MAP7: variants seen among roughly 807,000 people sequenced by gnomAD.
The protein encoded by MAP7 is microtubule associated protein 7, also known as ensconsin.
In MAP7, 52 loss-of-function variants were observed where a neutral mutation model predicts 94.8. That is an observed-to-expected ratio of 0.55 (90% CI 0.44 to 0.69). The LOEUF is 0.69. Ranked by LOEUF, MAP7 falls within the 30% of genes least tolerant of loss-of-function variation. The pLI is 0.00. For missense variants in MAP7, 940 were observed against 964.6 expected (o/e 0.97, Z 0.34); for synonymous variants, 350 against 357.0 (o/e 0.98, Z 0.22).
At chr6:136,527,935 G>A (rs1319384530) in intron 1 of MAP7, among the ~76,000 whole-genome samples, 2 of 152,178 alleles carry the variant, frequency 1.3e-5, no homozygotes, top group African/African-American at 4.8e-5. Flanking sequence ...AGAAACGCAG[G>A]AAATTTCAGT....
At chr6:136,533,505 C>A (rs1828641342) in intron 1 of MAP7, among the ~76,000 whole-genome samples, 1 of 152,194 alleles carries the variant, frequency 6.6e-6, no homozygotes, top group African/African-American at 2.4e-5. Context: ...GAAGAACATT[C>A]ATTTCAGAAT....
At chr6:136,429,522 T>C (rs1794270710) in intron 1 of MAP7, among the ~76,000 whole-genome samples, 1 of 152,214 alleles carries the variant, frequency 6.6e-6, no homozygotes, top group South Asian at 2.1e-4. Context: ...AGTTAATAAA[T>C]TTATTTTGAT....
At chr6:136,403,568 A>T (rs558624317) in intron 3 of MAP7, among the ~76,000 whole-genome samples, 27 of 152,244 alleles carry the variant, frequency 1.8e-4, no homozygotes, top group Non-Finnish European at 4.0e-4. Context: ...TACTAGCAAG[A>T]AAGAGCTGGG....
chr6:136,546,578 C>A (rs9402820), intron 1 of MAP7, among the ~76,000 whole-genome samples: 18,021 of 152,126 alleles, frequency 0.12, 1,231 homozygotes, highest in East Asian at 0.15. Context: ...GTTCTTCCTG[C>A]TGACCACAGC....
chr6:136,362,309 A>C, intron 11 of MAP7, 141 bp downstream of exon 11: 1 of 1,114,672 alleles, frequency 9.0e-7, no homozygotes, highest in Non-Finnish European at 1.3e-6. Context: ...TAGTAGTCAT[A>C]GGAAAATTAG....
At chr6:136,502,648 T>C (rs180803271) in intron 1 of MAP7, among the ~76,000 whole-genome samples, 8 of 152,276 alleles carry the variant, frequency 5.3e-5, no homozygotes, top group Admixed American at 4.6e-4. Context: ...GAGCGATATT[T>C]TGTAGGGGCT....
chr6:136,443,788 G>A (rs2128858869), intron 1 of MAP7, among the ~76,000 whole-genome samples: 1 of 152,178 alleles, frequency 6.6e-6, no homozygotes, highest in Non-Finnish European at 1.5e-5. Context: ...TATGCATCCT[G>A]AACATTATGT....
chr6:136,415,303 T>G (rs56733668), intron 2 of MAP7, among the ~76,000 whole-genome samples: 1 of 152,174 alleles, frequency 6.6e-6, no homozygotes, highest in South Asian at 2.1e-4. Flanking sequence ...GTAAAAGCCA[T>G]ATGAGCACAT....
intron 1 of MAP7, among the ~76,000 whole-genome samples, chr6:136,505,277 G>GTGTGTATATATATATATATA (rs1465266004): frequency 2.0e-4 from 11 of 53,828 alleles, no homozygotes; most frequent in African/African-American, 8.8e-4. Context: ...GTGTGTGTGT[G>GTGTGTATATATATATATATA]TATATATATA....
chr6:136,438,985 A>T (rs1057502646), intron 1 of MAP7, among the ~76,000 whole-genome samples: 1 of 152,218 alleles, frequency 6.6e-6, no homozygotes, highest in Non-Finnish European at 1.5e-5. Flanking sequence ...TCAGAAAGTT[A>T]CAATGTGCAA....
At chr6:136,504,322 A>G (rs1216563476) in intron 1 of MAP7, among the ~76,000 whole-genome samples, 2 of 152,044 alleles carry the variant, frequency 1.3e-5, no homozygotes, top group Admixed American at 1.3e-4. Flanking sequence ...AATAATTTGT[A>G]TTCCCATAAA....
At chr6:136,408,636 T>C (rs1023056861) in intron 3 of MAP7, among the ~76,000 whole-genome samples, 2 of 152,212 alleles carry the variant, frequency 1.3e-5, no homozygotes, top group Non-Finnish European at 2.9e-5. Flanking sequence ...TGTGGAATGG[T>C]GTCCGATTTT....
chr6:136,418,634 A>C (rs555004311), intron 2 of MAP7, among the ~76,000 whole-genome samples: 2 of 152,386 alleles, frequency 1.3e-5, no homozygotes, highest in East Asian at 3.8e-4. Context: ...AAAAGAGGAA[A>C]GAACATTTAG....
At position 136,392,683 on chromosome 6, in the gene MAP7, T is replaced by C. The variant is rs1781137989; in HGVS notation, c.245-3166A>G. Among the ~76,000 whole-genome samples the C allele has an allele frequency of 2.0e-5, 3 of 152,128 alleles. No individual in the cohort carries two copies. In the South Asian group the frequency reaches 6.2e-4, roughly 32 times the overall value. Reference sequence around the variant, plus strand: ...ATCAAAGGGAACATACATTTAAAATTTTGATAGATATTGTCATACTGTCCT... The same window carrying C: ...ATCAAAGGGAACATACATTTAAAATCTTGATAGATATTGTCATACTGTCCT... On this transcript the variant is annotated intron_variant, in intron 3 of 17. Transcript: ENST00000354570.
intron 3 of MAP7, among the ~76,000 whole-genome samples, chr6:136,391,012 G>C (rs1401573481): frequency 2.6e-5 from 4 of 152,140 alleles, no homozygotes; most frequent in Non-Finnish European, 4.4e-5. Context: ...TGGTCTTCAA[G>C]GTTCCTACCA....
rs767523223 is a variant in MAP7 at position 136,362,456 on chromosome 6, A to C, written c.1520T>G (p.Leu507Arg). Residue 507 changes from leucine to arginine, a missense_variant, in exon 11 of 18, where the codon CTT (leucine) becomes CGT (arginine). Physicochemically the swap from Leu to Arg is moderately radical, Grantham distance 102. Coordinates refer to ENST00000354570, the MANE Select transcript of MAP7 (RefSeq NM_003980.6). Reference sequence around the variant, plus strand: ...AGCAATGTCTCCCATTTACCTTTCAAGCTCTTCCTGCTCCCTCCTCTCCCT... The same window carrying C: ...AGCAATGTCTCCCATTTACCTTTCACGCTCTTCCTGCTCCCTCCTCTCCCT... Reference protein sequence around the residue: ...EERERREQEELERQKREELAQ... With the variant: ...EERERREQEERERQKREELAQ... 6.2e-7 allele frequency: 1 copy of C among 1,613,736 alleles called. No individual in the cohort carries two copies. The highest frequency in any genetic ancestry group is 8.5e-7 in the Non-Finnish European group (1 of 1,179,920).
At chr6:136,414,917 C>A (rs897834355) in intron 2 of MAP7, among the ~76,000 whole-genome samples, 1 of 151,318 alleles carries the variant, frequency 6.6e-6, no homozygotes, top group Non-Finnish European at 1.5e-5. Flanking sequence ...TGGGTTTAAG[C>A]GATTCTCCTG....
intron 1 of MAP7, among the ~76,000 whole-genome samples, chr6:136,452,143 G>A (rs967136949): frequency 2.6e-5 from 4 of 152,068 alleles, no homozygotes; most frequent in Admixed American, 6.6e-5. Context: ...GCAGTGAGCC[G>A]AGATCAAGTC....
chr6:136,537,781 G>C (rs1160909477), intron 1 of MAP7, among the ~76,000 whole-genome samples: 2 of 150,684 alleles, frequency 1.3e-5, no homozygotes, highest in Admixed American at 6.6e-5. Flanking sequence ...GATTTACGAA[G>C]TTATGAATTT....
Sources: gnomAD v4.1 joint callset for allele counts (sites outside exome capture counted in the v4.1 genomes callset) on GRCh38, gnomAD v4.1.1 for gene constraint, MANE v1.5 for transcripts, NCBI Gene and HGNC (gene_info 2026-07-23, HGNC 2026-07-21) for gene names.